Variants in PTPRZ1 observed in about 807,000 individuals in gnomAD.
PTPRZ1 encodes receptor-type tyrosine-protein phosphatase zeta.
Under a neutral mutation model 214.1 loss-of-function variants are expected in PTPRZ1, and 82 were observed. That is an observed-to-expected ratio of 0.38 (90% CI 0.32 to 0.46). PTPRZ1 has a LOEUF of 0.46. PTPRZ1 is among the 20% of genes least tolerant of loss of function. The pLI, the probability that PTPRZ1 is intolerant of heterozygous loss-of-function variation, is 1.00. For synonymous variants in PTPRZ1, 945 were observed against 987.9 expected (o/e 0.96, Z 0.81); for missense variants, 2,603 against 2,748.7 (o/e 0.95, Z 1.19).
Position 122,034,438 on chromosome 7 carries a change from A to G in PTPRZ1, c.5284+60A>G, listed in dbSNP as rs569382651. The G allele has an allele frequency of 1.8e-4, 269 of 1,507,676 alleles. 1 individual carries two copies. The African/African-American group carries it at 3.3e-3, about 19-fold the overall frequency. 93.4% of individuals were successfully genotyped at this position (1,507,676 alleles called of 1,614,324 possible). On this transcript the variant is annotated intron_variant, in intron 17 of 29. Transcript: ENST00000393386. ...ATCATTGCCATTTTGGTGCCTTTTA[A>G]AAGTGTCCTGAAGTCATCTGAGAGC... is the stretch of plus-strand genomic sequence containing the variant.
intron 2 of PTPRZ1, among the ~76,000 whole-genome samples, chr7:121,949,995 C>T (rs1289962510): frequency 6.6e-6 from 1 of 152,124 alleles, no homozygotes; most frequent in Non-Finnish European, 1.5e-5. Flanking sequence ...CATTTTCATG[C>T]TGCTGATAAA....
chr7:121,928,555 A>C (rs1177426705), intron 2 of PTPRZ1, among the ~76,000 whole-genome samples: 2 of 152,158 alleles, frequency 1.3e-5, no homozygotes, highest in Non-Finnish European at 2.9e-5. Context: ...AATGAGATAA[A>C]TAAAGTGTGA....
intron 2 of PTPRZ1, among the ~76,000 whole-genome samples, chr7:121,942,411 CT>C (rs1390025484): frequency 6.6e-6 from 1 of 152,150 alleles, no homozygotes; most frequent in Non-Finnish European, 1.5e-5. Flanking sequence ...TCTTTAATTT[CT>C]GTGGAGATAA....
intron 1 of PTPRZ1, among the ~76,000 whole-genome samples, chr7:121,897,020 A>T (rs1376124093): frequency 6.6e-6 from 1 of 152,192 alleles, no homozygotes; most frequent in Non-Finnish European, 1.5e-5. Context: ...CATTTCTTGT[A>T]CAAAGAAAGA....
At chr7:121,935,570 T>G (rs972529744) in intron 2 of PTPRZ1, among the ~76,000 whole-genome samples, 1 of 150,800 alleles carries the variant, frequency 6.6e-6, no homozygotes, top group Non-Finnish European at 1.5e-5. Flanking sequence ...GTTTGTTTGT[T>G]TGTTTGTTTT....
In PTPRZ1 at chr7:121,958,924, A is replaced by C. The variant is rs912572200; in HGVS notation, c.125-9027A>C. Among the ~76,000 whole-genome samples, 8 of 152,242 alleles carry C rather than the reference A, an allele frequency of 5.3e-5. No individual in the cohort carries two copies. The South Asian group carries it at 1.0e-3, about 20-fold the overall frequency. The stretch of plus-strand genomic sequence containing the variant: ...CTGCAACCTCCGCCTCCCAGGTTCA[A>C]GCCATTCTCCTGCCTCAGCCTCCTG... On this transcript the variant is annotated intron_variant, in intron 2 of 29. Coordinates refer to ENST00000393386, the MANE Select transcript of PTPRZ1 (RefSeq NM_002851.3).
chr7:122,054,141 A>G, intron 26 of PTPRZ1, 103 bp downstream of exon 26: 3 of 1,253,644 alleles, frequency 2.4e-6, no homozygotes, highest in Non-Finnish European at 3.3e-6. Context: ...TTTTGTTTTC[A>G]ACTAATAAAC....
chr7:121,963,950 A>G (rs1038206585), intron 2 of PTPRZ1, among the ~76,000 whole-genome samples: 1 of 152,242 alleles, frequency 6.6e-6, no homozygotes, highest in East Asian at 1.9e-4. Context: ...AACCTCGTGT[A>G]GTTCAGACTT....
chr7:121,922,576 A>G (rs758269372), intron 1 of PTPRZ1, among the ~76,000 whole-genome samples: 5 of 151,504 alleles, frequency 3.3e-5, no homozygotes, highest in Non-Finnish European at 5.9e-5. Flanking sequence ...CTCCGCCTCA[A>G]AAAAAAAAGT....
At chr7:121,970,400 T>C (rs1797201103) in intron 3 of PTPRZ1, among the ~76,000 whole-genome samples, 1 of 152,236 alleles carries the variant, frequency 6.6e-6, no homozygotes, top group Admixed American at 6.5e-5. Context: ...ATGGTTGAAC[T>C]AGTTTACAGT....
At chr7:121,996,294 C>A in intron 8 of PTPRZ1, 88 bp from the exon 9 acceptor site, 1 of 960,904 alleles carries the variant, frequency 1.0e-6, no homozygotes, top group Non-Finnish European at 1.5e-6. Flanking sequence ...TGAAATAAAA[C>A]ACAATAAAAT....
At chr7:122,006,448 A>G (rs1798488640) in intron 11 of PTPRZ1, among the ~76,000 whole-genome samples, 1 of 152,058 alleles carries the variant, frequency 6.6e-6, no homozygotes, top group Non-Finnish European at 1.5e-5. Flanking sequence ...CTCTACTTCT[A>G]TTAGATCAAC....
At chr7:121,924,488 A>G (rs1795698426) in intron 1 of PTPRZ1, among the ~76,000 whole-genome samples, 1 of 152,202 alleles carries the variant, frequency 6.6e-6, no homozygotes, top group African/African-American at 2.4e-5. Context: ...AGGGAACAAT[A>G]CATAAAGGAA....
intron 26 of PTPRZ1, 22 bp from the exon 27 acceptor site, chr7:122,054,919 T>C (rs1000390485): frequency 1.3e-6 from 2 of 1,575,512 alleles, no homozygotes; most frequent in African/African-American, 1.4e-5. Context: ...TCTAGACTCT[T>C]CTTTCATTTG....
At chr7:122,055,657 G>C (rs1375359683) in intron 27 of PTPRZ1, among the ~76,000 whole-genome samples, 1 of 151,748 alleles carries the variant, frequency 6.6e-6, no homozygotes, top group Admixed American at 6.6e-5. Flanking sequence ...TTATCTACAA[G>C]ATAATACATT....
chr7:121,989,800 A>C (rs1196502), intron 8 of PTPRZ1, among the ~76,000 whole-genome samples: 136,577 of 152,222 alleles, frequency 0.9, 61,707 homozygotes, highest in Non-Finnish European at 0.95. Flanking sequence ...ATTACATGAA[A>C]TTATAAAGCG....
rs1207305100 is a variant in PTPRZ1 at position 122,031,512 on chromosome 7, C to G, written c.5119C>G (p.His1707Asp). ...AATTCCAATAAAGCACTTTCCAAAG[C>G]ATGTTGCAGATTTACATGCAAGTAG... ...GAIPIKHFPK[H>D]VADLHASSGF... Residue 1707 changes from histidine (H) to aspartate (D), a missense_variant, in exon 15 of 30, where the codon CAT becomes GAT. Physicochemically the swap from His to Asp is moderately conservative, Grantham distance 81 (BLOSUM62 -1). Coordinates refer to ENST00000393386, the MANE Select transcript of PTPRZ1 (RefSeq NM_002851.3). 6.2e-7 allele frequency: 1 copy of G among 1,611,268 alleles called. No individual in the cohort carries two copies. The highest frequency in any genetic ancestry group is 1.7e-5 in the Admixed American group (1 of 59,940).
chr7:121,972,908 G>A lies in PTPRZ1; in HGVS notation c.456+216G>A, dbSNP rs183340636. Reference sequence around the variant, plus strand: ...TAGCAACCCAAAGTGCCACAAAATGGTAATCAATAAATGCTGATGAATTAA... The same window carrying A: ...TAGCAACCCAAAGTGCCACAAAATGATAATCAATAAATGCTGATGAATTAA... On this transcript the variant is annotated intron_variant, in intron 4 of 29. Coordinates refer to ENST00000393386, the MANE Select transcript of PTPRZ1 (RefSeq NM_002851.3). Among the ~76,000 whole-genome samples the A allele has an allele frequency of 5.6e-5, 8 of 143,364 alleles. No individual in the cohort carries two copies. The East Asian group carries it at 1.6e-3, about 29-fold the overall frequency. 94.1% of individuals were successfully genotyped at this position (143,364 alleles called of 152,430 possible).
intron 1 of PTPRZ1, among the ~76,000 whole-genome samples, chr7:121,915,064 A>G (rs1275381076): frequency 6.6e-6 from 1 of 152,074 alleles, no homozygotes; most frequent in Non-Finnish European, 1.5e-5. Context: ...GCTAATCAAG[A>G]CCCACTAGAG....
Sources: gnomAD v4.1 joint callset for allele counts (sites outside exome capture counted in the v4.1 genomes callset) on GRCh38, gnomAD v4.1.1 for gene constraint, MANE v1.5 for transcripts, NCBI Gene and HGNC (gene_info 2026-07-23, HGNC 2026-07-21) for gene names.